Variants in CUL4A observed in about 807,000 individuals in gnomAD.
CUL4A encodes the protein cullin-4A.
Under a neutral mutation model 95.5 loss-of-function variants are expected in CUL4A, and 16 were observed. The observed-to-expected ratio is 0.17, with a 90% CI of 0.11 to 0.25. The LOEUF (loss-of-function observed/expected upper bound fraction) is 0.25. Among genes scored for constraint, CUL4A ranks in the 10% least tolerant of loss-of-function variants. The pLI is 1.00. For missense variants in CUL4A, 610 were observed against 937.0 expected (o/e 0.65, Z 4.56); for synonymous variants, 380 against 353.1 (o/e 1.08, Z -0.85).
intron 5 of CUL4A, among the ~76,000 whole-genome samples, chr13:113,232,197 T>C (rs1262773895): frequency 0.032 from 45 of 1,426 alleles, 15 homozygotes; most frequent in East Asian, 0.067. Flanking sequence ...CTGCCACCAC[T>C]ACCCGCCCAC....
chr13:113,245,278 A>T (rs777100495), intron 14 of CUL4A, 41 bp downstream of exon 14: 1 of 1,564,726 alleles, frequency 6.4e-7, no homozygotes, highest in Non-Finnish European at 8.8e-7. Flanking sequence ...TTTAAAAAGT[A>T]TCTGTTAGTG....
At chr13:113,212,335 A>G (rs1450197233) in intron 2 of CUL4A, among the ~76,000 whole-genome samples, 1 of 152,228 alleles carries the variant, frequency 6.6e-6, no homozygotes, top group Non-Finnish European at 1.5e-5. Flanking sequence ...TTGTTCTTCT[A>G]TGGATTGTGC....
Position 113,263,806 on chromosome 13 carries a change from T to G in CUL4A, c.*224T>G. ...CTCTAGTTCTTTTAGGCATTTAAAT[T>G]GTTTCTGTTACTCTGTGCAAAATAA... On this transcript the variant is annotated 3_prime_UTR_variant, in exon 20 of 20. Transcript: ENST00000375440. 1 of 394,452 alleles carries G rather than the reference T, an allele frequency of 2.5e-6. No individual in the cohort carries two copies. The allele number at this position is 394,452 out of a possible 1,614,324, so 24.4% of individuals were successfully genotyped here.
intron 2 of CUL4A, among the ~76,000 whole-genome samples, chr13:113,210,368 T>G (rs2040351920): frequency 6.6e-6 from 1 of 152,246 alleles, no homozygotes; most frequent in African/African-American, 2.4e-5. Flanking sequence ...TGACTCATAT[T>G]TTGCAAGTAT....
upstream of CUL4A, chr13:113,208,951 T>C (rs376321867): frequency 1.7e-5 from 21 of 1,207,330 alleles, no homozygotes; most frequent in African/African-American, 3.3e-4. Flanking sequence ...TTCACTGCGC[T>C]GACCCTTCGT....
chr13:113,235,237 A>G, intron 8 of CUL4A, 92 bp downstream of exon 8: 2 of 838,246 alleles, frequency 2.4e-6, no homozygotes, highest in East Asian at 2.5e-5. Flanking sequence ...GTCTTTGTCA[A>G]TTCATTCAGT....
chr13:113,213,575 AT>A (rs2040532501), intron 2 of CUL4A, among the ~76,000 whole-genome samples: 1 of 152,130 alleles, frequency 6.6e-6, no homozygotes, highest in Non-Finnish European at 1.5e-5. Context: ...TTTCCTGGAG[AT>A]TTGGCTGTCT....
chr13:113,223,856 A>G (rs1417990576), intron 3 of CUL4A, among the ~76,000 whole-genome samples: 2 of 152,220 alleles, frequency 1.3e-5, no homozygotes, highest in African/African-American at 2.4e-5. Flanking sequence ...CTTGTCTCAC[A>G]TGTTTGATAA....
chr13:113,221,447 A>G (rs1566327672), intron 3 of CUL4A, among the ~76,000 whole-genome samples: 1 of 152,274 alleles, frequency 6.6e-6, no homozygotes, highest in Non-Finnish European at 1.5e-5. Context: ...AGGCCCTGGG[A>G]AAATAAATCT....
chr13:113,260,455 C>T, intron 18 of CUL4A, 152 bp from the exon 19 acceptor site: 2 of 592,402 alleles, frequency 3.4e-6, no homozygotes, highest in Non-Finnish European at 5.6e-6. Context: ...GAGGCTGAGG[C>T]AAGAGAATCG....
At chr13:113,208,308 C>T, upstream of CUL4A, 3 of 1,432,026 alleles carry the variant, frequency 2.1e-6, no homozygotes, top group Admixed American at 5.7e-5. Context: ...CCACACGTGC[C>T]AGCAAGTGAG....
intron 2 of CUL4A, among the ~76,000 whole-genome samples, chr13:113,214,730 G>A (rs969773951): frequency 2.0e-5 from 3 of 152,128 alleles, no homozygotes; most frequent in Admixed American, 1.3e-4. Flanking sequence ...GTTGATACCA[G>A]GTGATAATGG....
chr13:113,245,774 C>T (rs1021972953), intron 14 of CUL4A, among the ~76,000 whole-genome samples, 182 bp from the exon 15 acceptor site: 26 of 152,074 alleles, frequency 1.7e-4, no homozygotes, highest in African/African-American at 6.0e-4. Flanking sequence ...GTGGTGACAC[C>T]TGAAGAAGGG....
At chr13:113,214,034 T>G (rs1200114582) in intron 2 of CUL4A, among the ~76,000 whole-genome samples, 1 of 152,210 alleles carries the variant, frequency 6.6e-6, no homozygotes, top group Non-Finnish European at 1.5e-5. Context: ...CAAAATAAAG[T>G]CTCAGTTTTT....
chr13:113,223,407 G>C (rs1378148278), intron 3 of CUL4A, among the ~76,000 whole-genome samples: 1 of 151,778 alleles, frequency 6.6e-6, no homozygotes, highest in Non-Finnish European at 1.5e-5. Flanking sequence ...TGTTGTTGTT[G>C]TTTTGAGACG....
chr13:113,245,941 A>C lies in CUL4A; in HGVS notation c.1531-15A>C. ...TACTTTCTCAAAATGATTGTCTTGG[A>C]TTTCTCTGTTTTAGCATATGCAGAA... On this transcript the variant is annotated splice_polypyrimidine_tract_variant and intron_variant, in intron 14 of 19. Coordinates refer to ENST00000375440, the MANE Select transcript of CUL4A (RefSeq NM_001008895.4). 6.4e-7 allele frequency: 1 copy of C among 1,557,844 alleles called. No individual in the cohort carries two copies. The highest frequency in any genetic ancestry group is 2.2e-5 in the East Asian group (1 of 44,528).
At position 113,239,520 on chromosome 13, in the gene CUL4A, C is replaced by T. The variant is rs140870191; in HGVS notation, c.1004C>T (p.Ala335Val). ...LFSRVRGGQQ[A>V]LLQHWSEYIK... Reference sequence around the variant, plus strand: ...AGCCGGGTGAGGGGCGGGCAGCAGGCGCTGCTGCAGCACTGGAGCGAGTAC... The same window carrying T: ...AGCCGGGTGAGGGGCGGGCAGCAGGTGCTGCTGCAGCACTGGAGCGAGTAC... The change falls in exon 10 of 20, where the codon GCG becomes GTG. Residue 335 changes from alanine to valine, a missense_variant. Ala to Val is a moderately conservative substitution (Grantham distance 64, BLOSUM62 0). This residue lies in a region of CUL4A where 153 missense variants were observed against 244.5 expected (regional missense o/e 0.63). Coordinates refer to ENST00000375440, the MANE Select transcript of CUL4A (RefSeq NM_001008895.4). The T allele has an allele frequency of 1.1e-3, 1,704 of 1,613,260 alleles. 3 individuals carry two copies. Among genetic ancestry groups the T allele is most frequent in the Non-Finnish European group, 9.9e-4 (1,173 of 1,179,542 alleles).
chr13:113,227,140 G>A (rs1261940242), intron 3 of CUL4A, among the ~76,000 whole-genome samples: 1 of 152,206 alleles, frequency 6.6e-6, no homozygotes, highest in Non-Finnish European at 1.5e-5. Context: ...CAAGCTGAGT[G>A]CACATTGGTG....
chr13:113,255,400 G>A (rs193291266), intron 18 of CUL4A, among the ~76,000 whole-genome samples: 4 of 152,228 alleles, frequency 2.6e-5, no homozygotes, highest in Admixed American at 1.3e-4. Context: ...ATAGGGTTTC[G>A]AAAATTATCC....
Sources: gnomAD v4.1 joint callset for allele counts (sites outside exome capture counted in the v4.1 genomes callset) on GRCh38, gnomAD v4.1.1 for gene constraint, gnomAD v4.1.1 regional missense constraint, MANE v1.5 for transcripts, NCBI Gene and HGNC (gene_info 2026-07-23, HGNC 2026-07-21) for gene names.